The following MET variants were observed in gnomAD, a reference collection of about 807,000 sequenced individuals.
MET encodes the protein MET proto-oncogene, receptor tyrosine kinase.
MET carries 48 observed loss-of-function variants against 133.1 expected under a neutral mutation model. The ratio of observed to expected loss-of-function variants is 0.36; its 90% CI spans 0.29 to 0.46. The LOEUF (loss-of-function observed/expected upper bound fraction) is 0.46. Among genes scored for constraint, MET ranks in the 20% least tolerant of loss-of-function variants. MET has a pLI of 1.00. For synonymous variants in MET, 628 were observed against 616.5 expected (o/e 1.02, Z -0.28); for missense variants, 1,442 against 1,695.9 (o/e 0.85, Z 2.63).
At chr7:116,783,215 T>G (rs1795204283) in intron 18 of MET, 89 bp from the exon 19 acceptor site, 2 of 1,479,520 alleles carry the variant, frequency 1.4e-6, no homozygotes, top group Admixed American at 1.7e-5. Context: ...TTTCAAATAC[T>G]GAAGCCACTT....
intron 1 of MET, among the ~76,000 whole-genome samples, chr7:116,697,875 A>G (rs1211190351): frequency 6.6e-6 from 1 of 152,164 alleles, no homozygotes; most frequent in Non-Finnish European, 1.5e-5. Context: ...TAATCAGCAT[A>G]TATGTGTTAT....
At chr7:116,746,609 G>A (rs1793698358) in intron 5 of MET, among the ~76,000 whole-genome samples, 1 of 152,130 alleles carries the variant, frequency 6.6e-6, no homozygotes, top group South Asian at 2.1e-4. Context: ...CATAAAAAAG[G>A]ATGAGTTCAT....
chr7:116,736,116 G>C (rs1198823208), intron 3 of MET, among the ~76,000 whole-genome samples: 1 of 151,986 alleles, frequency 6.6e-6, no homozygotes, highest in Non-Finnish European at 1.5e-5. Context: ...ACACTCAAGG[G>C]TTCTGAAATT....
intron 2 of MET, 130 bp from the exon 3 acceptor site, chr7:116,731,538 G>A: frequency 1.1e-6 from 1 of 876,340 alleles, no homozygotes; most frequent in Non-Finnish European, 1.8e-6. Context: ...GCCTATCTGT[G>A]GCTATTTGTC....
At chr7:116,768,329 C>G (rs999719585) in intron 11 of MET, among the ~76,000 whole-genome samples, 1 of 152,134 alleles carries the variant, frequency 6.6e-6, no homozygotes, top group African/African-American at 2.4e-5. Context: ...TTGTCATTCC[C>G]TGAATTCCCT....
intron 12 of MET, 92 bp from the exon 13 acceptor site, chr7:116,771,406 A>C: frequency 7.1e-7 from 1 of 1,409,274 alleles, no homozygotes; most frequent in Non-Finnish European, 1.0e-6. Context: ...GGTAATAACC[A>C]GTTGGTATTT....
intron 2 of MET, among the ~76,000 whole-genome samples, chr7:116,708,813 G>A (rs1415911374): frequency 6.6e-6 from 1 of 152,092 alleles, no homozygotes; most frequent in Non-Finnish European, 1.5e-5. Flanking sequence ...AGAAGAACAT[G>A]TTCCTCTTTG....
At chr7:116,735,747 T>C (rs1056866527) in intron 3 of MET, among the ~76,000 whole-genome samples, 2 of 151,928 alleles carry the variant, frequency 1.3e-5, no homozygotes, top group Admixed American at 6.6e-5. Flanking sequence ...CATCATTAAC[T>C]TAGTTTTAAC....
At chr7:116,789,447 C>T (rs1029062272) in intron 19 of MET, among the ~76,000 whole-genome samples, 3 of 152,136 alleles carry the variant, frequency 2.0e-5, no homozygotes, top group South Asian at 2.1e-4. Context: ...TTTCAGTGTT[C>T]GGTTTTTCAG....
Position 116,699,184 on chromosome 7 carries a change from G to A in MET, c.100G>A (p.Glu34Lys), listed in dbSNP as rs764246939. ...GECKEALAKSEMNVNMKYQLP... is the reference protein window; with the variant it reads ...GECKEALAKSKMNVNMKYQLP... ...GTGTAAAGAGGCACTAGCAAAGTCCGAGATGAATGTGAATATGAAGTATCA... is the reference window on the plus strand; with the variant it reads ...GTGTAAAGAGGCACTAGCAAAGTCCAAGATGAATGTGAATATGAAGTATCA... Residue 34 changes from glutamate (E) to lysine (K), a missense_variant, in exon 2 of 21, where the codon GAG becomes AAG. This residue lies in a region of MET where 762 missense variants were observed against 792.4 expected (regional missense o/e 0.96). Coordinates refer to ENST00000397752, the MANE Select transcript of MET (RefSeq NM_000245.4). 37 of 1,613,924 alleles carry A rather than the reference G, an allele frequency of 2.3e-5. No homozygotes were observed. The highest frequency in any genetic ancestry group is 8.3e-5 in the Admixed American group (5 of 59,976).
chr7:116,700,815 A>G (rs1222905741), intron 2 of MET, among the ~76,000 whole-genome samples: 1 of 152,216 alleles, frequency 6.6e-6, no homozygotes, highest in African/African-American at 2.4e-5. Flanking sequence ...TTAACTTTAA[A>G]AAACCTCTTC....
At chr7:116,749,091 C>T (rs1793816908) in intron 5 of MET, among the ~76,000 whole-genome samples, 1 of 152,224 alleles carries the variant, frequency 6.6e-6, no homozygotes, top group Non-Finnish European at 1.5e-5. Context: ...AGGGACTCCT[C>T]CCTAACTCAT....
At chr7:116,785,766 A>G (rs1419991097) in intron 19 of MET, among the ~76,000 whole-genome samples, 2 of 152,266 alleles carry the variant, frequency 1.3e-5, no homozygotes, top group African/African-American at 2.4e-5. Context: ...GGAGCATCTC[A>G]GAGGTAGAAT....
intron 12 of MET, chr7:116,770,010 A>G (rs1271450346): frequency 3.2e-6 from 2 of 623,760 alleles, no homozygotes; most frequent in African/African-American, 3.7e-5. Context: ...CTTTCTACCC[A>G]CACTGCTTCT....
At chr7:116,678,528 A>G (rs1444862137) in intron 1 of MET, among the ~76,000 whole-genome samples, 1 of 152,224 alleles carries the variant, frequency 6.6e-6, no homozygotes, top group East Asian at 1.9e-4. Context: ...GTAAAGAAAG[A>G]CATTCAAAGC....
chr7:116,695,849 C>A, intron 1 of MET: 1 of 450,062 alleles, frequency 2.2e-6, no homozygotes, highest in Admixed American at 2.5e-5. Context: ...CATGGCTTTG[C>A]CTTACTGAGG....
intron 3 of MET, among the ~76,000 whole-genome samples, chr7:116,738,700 T>C (rs1793329993): frequency 6.6e-6 from 1 of 152,180 alleles, no homozygotes; most frequent in Admixed American, 6.5e-5. Context: ...TGAGAACAAA[T>C]TAGGTACTTT....
At chr7:116,701,644 A>G (rs1307542495) in intron 2 of MET, among the ~76,000 whole-genome samples, 3 of 152,170 alleles carry the variant, frequency 2.0e-5, no homozygotes, top group Admixed American at 6.6e-5. Context: ...ATTTCCCCCT[A>G]CATACATTTA....
At chr7:116,720,057 T>G (rs959831909) in intron 2 of MET, among the ~76,000 whole-genome samples, 1 of 152,260 alleles carries the variant, frequency 6.6e-6, no homozygotes, top group South Asian at 2.1e-4. Flanking sequence ...GGGGATGGCA[T>G]TGAATCTATA....
Sources: allele counts gnomAD v4.1 joint callset (sites outside exome capture counted in the v4.1 genomes callset), GRCh38; gene constraint gnomAD v4.1.1; regional missense constraint gnomAD v4.1.1; transcripts MANE v1.5; gene names NCBI Gene and HGNC (gene_info 2026-07-23, HGNC 2026-07-21).